BCAS1: variants seen among roughly 807,000 people sequenced by gnomAD.
BCAS1 encodes the protein brain enriched myelin associated protein 1.
A neutral mutation model predicts 65.4 loss-of-function variants in BCAS1; 46 were observed. That is an observed-to-expected ratio of 0.70 (90% confidence interval 0.55 to 0.90). BCAS1 has a LOEUF of 0.90. Among genes scored for constraint, BCAS1 ranks in the 40% least tolerant of loss-of-function variants. The probability of loss-of-function intolerance (pLI) is 0.00; values close to 1 mark genes in which losing one functional copy is unlikely to be tolerated. For missense variants in BCAS1, 793 were observed against 771.2 expected (o/e 1.03, Z -0.33); for synonymous variants, 298 against 293.5 (o/e 1.02, Z -0.16).
At chr20:54,036,966 C>T (rs2091909892) in intron 3 of BCAS1, among the ~76,000 whole-genome samples, 1 of 151,224 alleles carries the variant, frequency 6.6e-6, no homozygotes, top group African/African-American at 2.4e-5. Flanking sequence ...CAAGCTGCTT[C>T]ATCAGAGTTC....
intron 7 of BCAS1, among the ~76,000 whole-genome samples, chr20:53,989,142 A>G (rs535719975): frequency 6.6e-6 from 1 of 152,274 alleles, no homozygotes; most frequent in Admixed American, 6.5e-5. Context: ...AATTTCGTGG[A>G]GGGAAGGGTG....
chr20:53,963,886 G>A (rs1018917950), intron 10 of BCAS1, among the ~76,000 whole-genome samples: 2 of 152,258 alleles, frequency 1.3e-5, no homozygotes, highest in East Asian at 1.9e-4. Flanking sequence ...ATAGAAGTAA[G>A]TGTGTGAGGA....
intron 1 of BCAS1, among the ~76,000 whole-genome samples, chr20:54,060,655 G>A (rs922194973): frequency 3.3e-5 from 5 of 152,134 alleles, no homozygotes; most frequent in African/African-American, 1.2e-4. Context: ...ACGTGAGATG[G>A]GATCATATGG....
At chr20:54,041,496 T>C (rs2091990406) in intron 3 of BCAS1, among the ~76,000 whole-genome samples, 1 of 151,964 alleles carries the variant, frequency 6.6e-6, no homozygotes, top group Non-Finnish European at 1.5e-5. Flanking sequence ...AATAGTAAAA[T>C]AAAAGCACAA....
At chr20:53,963,523 A>C (rs1419612206) in intron 10 of BCAS1, among the ~76,000 whole-genome samples, 1 of 152,120 alleles carries the variant, frequency 6.6e-6, no homozygotes, top group Non-Finnish European at 1.5e-5. Context: ...AAAGGATAGA[A>C]AGCAGAAAAT....
chr20:54,069,307 A>C (rs2092485291), intron 1 of BCAS1, among the ~76,000 whole-genome samples: 1 of 152,166 alleles, frequency 6.6e-6, no homozygotes, highest in Non-Finnish European at 1.5e-5. Flanking sequence ...TTTAACATGA[A>C]ATTTGTGAAA....
At chr20:53,977,499 C>T (rs1218137564) in intron 8 of BCAS1, among the ~76,000 whole-genome samples, 1 of 152,198 alleles carries the variant, frequency 6.6e-6, no homozygotes, top group Admixed American at 6.5e-5. Context: ...TTTACATACC[C>T]TTTTTCCTGT....
At chr20:53,974,841 C>T (rs2090282206) in intron 9 of BCAS1, among the ~76,000 whole-genome samples, 1 of 152,166 alleles carries the variant, frequency 6.6e-6, no homozygotes, top group Non-Finnish European at 1.5e-5. Context: ...GACAATTCCT[C>T]TAGAAGATTA....
chr20:54,061,278 A>G (rs780032343), intron 1 of BCAS1, among the ~76,000 whole-genome samples: 1 of 152,214 alleles, frequency 6.6e-6, no homozygotes, highest in Non-Finnish European at 1.5e-5. Flanking sequence ...CTTCCCTTAA[A>G]AAGGAGGAAT....
At chr20:53,957,556 A>G in intron 10 of BCAS1, 59 bp from the exon 11 acceptor site, 1 of 1,506,580 alleles carries the variant, frequency 6.6e-7, no homozygotes, top group East Asian at 2.3e-5. Context: ...GGAGAATGCA[A>G]GAAAGTTCTG....
At chr20:54,040,868 A>G (rs1249187462) in intron 3 of BCAS1, among the ~76,000 whole-genome samples, 2 of 151,394 alleles carry the variant, frequency 1.3e-5, no homozygotes, top group Non-Finnish European at 3.0e-5. Context: ...ATATGGCCAC[A>G]CAAAAACTTG....
intron 9 of BCAS1, among the ~76,000 whole-genome samples, chr20:53,967,879 C>T (rs2090077259): frequency 6.6e-6 from 1 of 152,216 alleles, no homozygotes; most frequent in Admixed American, 6.5e-5. Context: ...TGTGTTGTTC[C>T]CTGCCACAGG....
At chr20:54,055,289 G>A (rs1021647397) in intron 3 of BCAS1, among the ~76,000 whole-genome samples, 10 of 152,174 alleles carry the variant, frequency 6.6e-5, no homozygotes, top group African/African-American at 2.2e-4. Flanking sequence ...TTTTCACACT[G>A]CTGATAAAGA....
At chr20:54,068,826 T>A (rs939150378) in intron 1 of BCAS1, among the ~76,000 whole-genome samples, 10 of 152,016 alleles carry the variant, frequency 6.6e-5, no homozygotes, top group African/African-American at 2.4e-4. Context: ...TCAAGTCACA[T>A]CTAATACTCC....
intron 12 of BCAS1, among the ~76,000 whole-genome samples, chr20:53,952,627 T>C (rs2089563757): frequency 6.6e-6 from 1 of 152,252 alleles, no homozygotes; most frequent in African/African-American, 2.4e-5. Context: ...AGTATCCTTT[T>C]TTTTGTAACA....
At position 54,028,788 on chromosome 20, in the gene BCAS1, G is replaced by C. The variant is rs764974996; in HGVS notation, c.327C>G (p.Asp109Glu). Residue 109 changes from aspartate (D) to glutamate (E), a missense_variant, in exon 4 of 13, where the codon GAC becomes GAG. Asp to Glu is a conservative substitution (Grantham distance 45). Coordinates refer to ENST00000688948, the MANE Select transcript of BCAS1 (RefSeq NM_001366298.2). ...ATCCAAGGGATGAATCTGCGGCTTG[G>C]TCTCCGGTACGTCCTGGTACAGGCC... is the stretch of plus-strand genomic sequence containing the variant. ...LSRPVPGRTGDQAADSSLGSV... is the reference protein window; with the variant it reads ...LSRPVPGRTGEQAADSSLGSV... 6.2e-7 allele frequency: 1 copy of C among 1,614,186 alleles called. No individual in the cohort carries two copies. The highest frequency in any genetic ancestry group is 1.1e-5 in the South Asian group (1 of 91,082).
chr20:53,969,762 C>T (rs2090131970), intron 9 of BCAS1, among the ~76,000 whole-genome samples: 1 of 152,064 alleles, frequency 6.6e-6, no homozygotes. Flanking sequence ...GCCACAATTC[C>T]AGATATCACA....
intron 12 of BCAS1, among the ~76,000 whole-genome samples, chr20:53,946,364 C>T (rs1461907466): frequency 6.6e-6 from 1 of 151,988 alleles, no homozygotes; most frequent in Admixed American, 6.6e-5. Context: ...AGAGTATACA[C>T]AGCCCTTCAG....
In BCAS1 at chr20:53,946,339, A is replaced by G. The variant is rs6022867; in HGVS notation, c.1816-1343T>C. 1.1e-3 allele frequency among the ~76,000 whole-genome samples: 168 copies of G among 151,990 alleles called. 2 individuals carry two copies. The highest frequency in any genetic ancestry group is 4.0e-3 in the African/African-American group (164 of 41,440). ...AGAGTTCTGCCTTTGCCAGGATGTC[A>G]TATCATGGGATCCTAGAGTATACAC... On this transcript the variant is annotated intron_variant, in intron 12 of 12. Transcript: ENST00000688948.
Sources: allele counts gnomAD v4.1 joint callset (sites outside exome capture counted in the v4.1 genomes callset), GRCh38; gene constraint gnomAD v4.1.1; transcripts MANE v1.5; gene names NCBI Gene and HGNC (gene_info 2026-07-23, HGNC 2026-07-21).